PDZRN4: variants seen among roughly 807,000 people sequenced by gnomAD.
PDZRN4 encodes PDZ domain-containing RING finger protein 4.
Under a neutral mutation model 99.0 loss-of-function variants are expected in PDZRN4, and 70 were observed. The observed-to-expected ratio is 0.71, with a 90% CI of 0.58 to 0.86. The LOEUF is 0.86. Ranked by LOEUF, PDZRN4 falls within the 40% of genes least tolerant of loss-of-function variation. The pLI, the probability that PDZRN4 is intolerant of heterozygous loss-of-function variation, is 0.00. For missense variants in PDZRN4, 1,474 were observed against 1,331.2 expected, an observed-to-expected ratio of 1.11 and a Z score of -1.67; for synonymous variants, 551 against 501.6, an observed-to-expected ratio of 1.10 and a Z score of -1.32.
chr12:41,497,698 A>G (rs1453104148), intron 3 of PDZRN4, among the ~76,000 whole-genome samples: 4 of 152,190 alleles, frequency 2.6e-5, no homozygotes, highest in Non-Finnish European at 5.9e-5. Context: ...GCAGGATATC[A>G]GGTGATATTC....
intron 8 of PDZRN4, among the ~76,000 whole-genome samples, chr12:41,564,700 C>T (rs77124307): frequency 0.052 from 7,923 of 152,096 alleles, 543 homozygotes; most frequent in East Asian, 0.24. Context: ...AGTAAAGTTA[C>T]ACACCTGAGG....
At position 41,552,656 on chromosome 12, in the gene PDZRN4, G is replaced by A; in HGVS notation, c.1204G>A (p.Glu402Lys). ...TCATCTGTGTGTGTTGTTCTTTCAG[G>A]AGGTCGAGTTGTGTCGTGTTAGCAG... Reference protein sequence around the residue: ...ADRTEDFEYEEVELCRVSSQE... With the variant: ...ADRTEDFEYEKVELCRVSSQE... Residue 402 changes from glutamate (E) to lysine (K), a missense_variant and splice_region_variant, in exon 6 of 10, where the codon GAG (glutamate) becomes AAG (lysine). Glu to Lys is a moderately conservative substitution (Grantham distance 56). Coordinates refer to ENST00000402685, the MANE Select transcript of PDZRN4 (RefSeq NM_001164595.2). 1 of 1,611,788 alleles carries A rather than the reference G, an allele frequency of 6.2e-7. No homozygotes were observed. Among genetic ancestry groups the A allele is most frequent in the East Asian group, 2.2e-5 (1 of 44,846 alleles).
At chr12:41,548,994 G>A (rs904564870) in intron 5 of PDZRN4, among the ~76,000 whole-genome samples, 3 of 152,032 alleles carry the variant, frequency 2.0e-5, no homozygotes, top group South Asian at 2.1e-4. Flanking sequence ...GACTTTAGAC[G>A]CGTCCCCAGA....
intron 3 of PDZRN4, among the ~76,000 whole-genome samples, chr12:41,355,663 C>A (rs1485199441): frequency 1.3e-5 from 2 of 151,998 alleles, no homozygotes; most frequent in African/African-American, 4.8e-5. Context: ...TAAACAAAAT[C>A]TTTGTAGTCT....
At chr12:41,421,226 A>C (rs1304834582) in intron 3 of PDZRN4, among the ~76,000 whole-genome samples, 1 of 152,066 alleles carries the variant, frequency 6.6e-6, no homozygotes, top group Non-Finnish European at 1.5e-5. Context: ...CTTTTGAGAC[A>C]GAATCTTGCT....
intron 3 of PDZRN4, among the ~76,000 whole-genome samples, chr12:41,307,511 C>T (rs1951579166): frequency 6.6e-6 from 1 of 152,068 alleles, no homozygotes; most frequent in South Asian, 2.1e-4. Flanking sequence ...AATACCATCA[C>T]ACTGGAGATT....
chr12:41,511,313 T>A (rs1938300567), intron 5 of PDZRN4, among the ~76,000 whole-genome samples: 1 of 151,964 alleles, frequency 6.6e-6, no homozygotes, highest in African/African-American at 2.4e-5. Flanking sequence ...ACAGACAGAT[T>A]TCCTTACATT....
At chr12:41,552,338 C>T (rs767455493) in intron 5 of PDZRN4, among the ~76,000 whole-genome samples, 1 of 151,826 alleles carries the variant, frequency 6.6e-6, no homozygotes, top group Non-Finnish European at 1.5e-5. Context: ...TTATTGATTC[C>T]AGTGTATTCA....
intron 1 of PDZRN4, 36 bp downstream of exon 1, chr12:41,189,139 G>A (rs1421783768): frequency 5.1e-6 from 8 of 1,555,742 alleles, no homozygotes; most frequent in Non-Finnish European, 6.9e-6. Context: ...GGGCATGGTC[G>A]ATTGGGGTGG....
At chr12:41,566,461 A>C (rs1055462142) in intron 8 of PDZRN4, among the ~76,000 whole-genome samples, 2 of 152,176 alleles carry the variant, frequency 1.3e-5, no homozygotes, top group African/African-American at 4.8e-5. Flanking sequence ...TACTTGGCAT[A>C]ATTTTCATAG....
At chr12:41,436,658 T>C (rs1302720726) in intron 3 of PDZRN4, among the ~76,000 whole-genome samples, 1 of 152,190 alleles carries the variant, frequency 6.6e-6, no homozygotes, top group Non-Finnish European at 1.5e-5. Context: ...GAATTTTCTT[T>C]TATTATCTGC....
At chr12:41,569,990 T>TC (rs151038771) in intron 9 of PDZRN4, among the ~76,000 whole-genome samples, 2,854 of 152,234 alleles carry the variant, frequency 0.019, 71 homozygotes, top group African/African-American at 0.061. Flanking sequence ...GCTTTTTTTT[T>TC]CTTAGATACA....
intron 3 of PDZRN4, among the ~76,000 whole-genome samples, chr12:41,403,710 G>A (rs960763303): frequency 3.9e-5 from 6 of 152,110 alleles, no homozygotes; most frequent in African/African-American, 1.4e-4. Flanking sequence ...ATAAGTGAGA[G>A]AGAATCTTTA....
intron 5 of PDZRN4, among the ~76,000 whole-genome samples, chr12:41,542,138 T>C (rs1262780492): frequency 1.3e-5 from 2 of 152,208 alleles, no homozygotes; most frequent in Non-Finnish European, 2.9e-5. Context: ...TGCACATAGC[T>C]AATGTCAAAA....
Position 41,194,123 on chromosome 12 carries a change from A to G in PDZRN4, c.778A>G (p.Lys260Glu). The G allele has an allele frequency of 1.3e-6, 2 of 1,573,062 alleles. No individual in the cohort carries two copies. The highest frequency in any genetic ancestry group is 1.1e-5 in the South Asian group (1 of 90,528). Residue 260 changes from lysine to glutamate, a missense_variant, in exon 3 of 10, where the codon AAA becomes GAA. Lys to Glu is a moderately conservative substitution (Grantham distance 56). Transcript: ENST00000402685. ...ATCGACTGAAGGAATTTACGTTTCA[A>G]AAATTTTAGAAAATGGACCTGCTGA... ...GTSTEGIYVS[K>E]ILENGPADRA...
chr12:41,469,665 C>A (rs899906746), intron 3 of PDZRN4, among the ~76,000 whole-genome samples: 1 of 152,176 alleles, frequency 6.6e-6, no homozygotes, highest in East Asian at 1.9e-4. Flanking sequence ...GGCAGGGTGG[C>A]TCACGCCTGT....
chr12:41,336,508 A>T (rs377076968), intron 3 of PDZRN4, among the ~76,000 whole-genome samples: 7 of 57,708 alleles, frequency 1.2e-4, no homozygotes, highest in African/African-American at 4.8e-4. Flanking sequence ...ATGTGTTCAG[A>T]ACATCAACTT....
intron 3 of PDZRN4, among the ~76,000 whole-genome samples, chr12:41,422,816 A>T (rs1952503557): frequency 6.6e-6 from 1 of 152,208 alleles, no homozygotes; most frequent in South Asian, 2.1e-4. Context: ...CCCAAATTTC[A>T]TAAATATATA....
chr12:41,568,960 A>G (rs967798823), intron 9 of PDZRN4, among the ~76,000 whole-genome samples: 2 of 150,510 alleles, frequency 1.3e-5, no homozygotes, highest in African/African-American at 4.9e-5. Context: ...GCCCACCACC[A>G]TGCCCAGCTA....
Sources: gnomAD v4.1 joint callset for allele counts (sites outside exome capture counted in the v4.1 genomes callset) on GRCh38, gnomAD v4.1.1 for gene constraint, MANE v1.5 for transcripts, NCBI Gene and HGNC (gene_info 2026-07-23, HGNC 2026-07-21) for gene names.